LHX8: variants seen among roughly 807,000 people sequenced by gnomAD.
LHX8 encodes LIM homeobox 8.
LHX8 carries 12 observed loss-of-function variants against 40.3 expected under a neutral mutation model. That is an observed-to-expected ratio of 0.30 (90% CI 0.19 to 0.48). The LOEUF is 0.48. LHX8 is among the 20% of genes least tolerant of loss of function. The pLI is 0.99. For missense variants in LHX8, 344 were observed against 433.7 expected (o/e 0.79, Z 1.84); for synonymous variants, 179 against 162.0 (o/e 1.10, Z -0.80).
chr1:75,188,287 T>C, the LHX8 span, among the ~76,000 whole-genome samples: 1 of 152,038 alleles, frequency 6.6e-6, no homozygotes, highest in Non-Finnish European at 1.5e-5. Flanking sequence ...AAAGACAGAG[T>C]GGGAGTCAAA....
chr1:75,135,062 G>A, intron 1 of LHX8, 108 bp downstream of exon 1: 1 of 371,390 alleles, frequency 2.7e-6, no homozygotes, highest in Non-Finnish European at 3.7e-6. Context: ...GGCTCGTTTC[G>A]TTCGGCTGCC....
upstream of LHX8, chr1:75,130,411 G>A: frequency 1.9e-6 from 1 of 531,974 alleles, no homozygotes; most frequent in East Asian, 3.2e-5. Context: ...AGACCGCAGT[G>A]AGGAATGCCG....
At chr1:75,164,505 T>A (rs1000733367), downstream of LHX8, among the ~76,000 whole-genome samples, 4 of 152,292 alleles carry the variant, frequency 2.6e-5, no homozygotes, top group East Asian at 7.7e-4. Context: ...TGTGCATGCA[T>A]AGGTTTAAAA....
chr1:75,150,065 A>C (rs531803921), intron 7 of LHX8, among the ~76,000 whole-genome samples: 2 of 152,206 alleles, frequency 1.3e-5, no homozygotes, highest in East Asian at 3.9e-4. Context: ...AAGATGGTGA[A>C]ACCCCATCTC....
At chr1:75,157,226 T>TC (rs1648795033) in intron 8 of LHX8, 150 bp downstream of exon 8, 2 of 819,630 alleles carry the variant, frequency 2.4e-6, no homozygotes, top group Admixed American at 4.3e-5. Flanking sequence ...AGCAAAATTA[T>TC]CCAAACATTT....
intron 6 of LHX8, 39 bp from the exon 7 acceptor site, chr1:75,148,548 G>T: frequency 7.1e-7 from 1 of 1,401,042 alleles, no homozygotes; most frequent in Non-Finnish European, 1.0e-6. Context: ...TGAGCTGCTT[G>T]TTTTTAGCTA....
Position 75,157,025 on chromosome 1 carries a change from T to C in LHX8, c.913T>C (p.Tyr305His). The C allele has an allele frequency of 6.2e-7, 1 of 1,614,196 alleles. No individual in the cohort carries two copies. Among genetic ancestry groups the C allele is most frequent in the East Asian group, 2.2e-5 (1 of 44,878 alleles). ...PMLEEMAYSA[Y>H]VPQDGTMLTA... ...GTTAGAAGAAATGGCTTATTCTGCC[T>C]ACGTGCCCCAAGATGGAACGATGTT... The change falls in exon 8 of 9, where the codon TAC becomes CAC. Residue 305 changes from tyrosine (Y) to histidine (H), a missense_variant. Physicochemically the swap from Tyr to His is moderately conservative, Grantham distance 83 (BLOSUM62 2). This residue lies in a region of LHX8 where 89 missense variants were observed against 92.8 expected (regional missense o/e 0.96). Coordinates refer to ENST00000356261, the MANE Select transcript of LHX8 (RefSeq NM_001256114.2).
At chr1:75,154,164 TTATA>T (rs1267711694) in intron 7 of LHX8, among the ~76,000 whole-genome samples, 1 of 152,166 alleles carries the variant, frequency 6.6e-6, no homozygotes, top group Non-Finnish European at 1.5e-5. Context: ...TCAAAAGGAC[TTATA>T]CTTGATTCTG....
chr1:75,173,546 C>A, the LHX8 span, among the ~76,000 whole-genome samples: 1 of 151,808 alleles, frequency 6.6e-6, no homozygotes, highest in Non-Finnish European at 1.5e-5. Flanking sequence ...CCACGCCCAG[C>A]TAATTTTTTG....
upstream of LHX8, among the ~76,000 whole-genome samples, chr1:75,133,634 C>T (rs149023806): frequency 7.2e-5 from 11 of 152,218 alleles, no homozygotes; most frequent in African/African-American, 2.6e-4. Context: ...AAAGTTTATA[C>T]CACAAAGAGT....
rs1648142088 is a variant in LHX8, at chr1:75,136,605, T to G, written c.-10T>G. On this transcript the variant is annotated splice_region_variant and 5_prime_UTR_variant, in exon 2 of 9. Coordinates refer to ENST00000356261, the MANE Select transcript of LHX8 (RefSeq NM_001256114.2). ...TTTCTCCCCCTCCTACTCCGCAGTG[T>G]CAGGGGCTCATGTCAGAGGAGTGCG... 11 of 1,549,354 alleles carry G rather than the reference T, an allele frequency of 7.1e-6. No homozygotes were observed. The highest frequency in any genetic ancestry group is 9.6e-6 in the Non-Finnish European group (11 of 1,145,842).
rs746953778 is a variant in LHX8 at position 75,143,166 on chromosome 1, T to G, written c.408T>G (p.Thr136=). ...GATGTGGGAGACACATCCATTCTAC[T>G]GACTGGGTCCGGAGAGCCAAGGGGA... ...CSRCGRHIHS[T]DWVRRAKGNV... is the part of the protein sequence containing the mutation. Residue 136 remains threonine (T), a synonymous_variant, in exon 5 of 9, where the codon ACT becomes ACG. Coordinates refer to ENST00000356261, the MANE Select transcript of LHX8 (RefSeq NM_001256114.2). 4 of 1,613,722 alleles carry G rather than the reference T, an allele frequency of 2.5e-6. No homozygotes were observed. In the African/African-American group the frequency reaches 4.0e-5, roughly 16 times the overall value.
At chr1:75,137,758 T>C (rs1219652579) in intron 3 of LHX8, among the ~76,000 whole-genome samples, 1 of 152,206 alleles carries the variant, frequency 6.6e-6, no homozygotes, top group East Asian at 1.9e-4. Context: ...GTGTCTCTTT[T>C]GGTGAAAGCC....
At chr1:75,156,824 C>T in intron 7 of LHX8, 69 bp from the exon 8 acceptor site, 1 of 1,431,564 alleles carries the variant, frequency 7.0e-7, no homozygotes, top group Non-Finnish European at 9.9e-7. Flanking sequence ...CATTTTTTAA[C>T]TGAGTTGATA....
chr1:75,188,623 C>G, the LHX8 span, among the ~76,000 whole-genome samples: 1 of 152,216 alleles, frequency 6.6e-6, no homozygotes, highest in Non-Finnish European at 1.5e-5. Context: ...GGGCCCAGTG[C>G]TCCCTAGGTA....
intron 1 of LHX8, 80 bp from the exon 2 acceptor site, chr1:75,136,523 C>T: frequency 9.1e-7 from 1 of 1,099,870 alleles, no homozygotes; most frequent in South Asian, 1.3e-5. Flanking sequence ...AGCTCGCTCC[C>T]CGCGCCGAGG....
the LHX8 span, among the ~76,000 whole-genome samples, chr1:75,186,820 C>CTAAA: frequency 6.6e-6 from 1 of 152,162 alleles, no homozygotes; most frequent in Non-Finnish European, 1.5e-5. Context: ...TACCAGACAA[C>CTAAA]TATTTAACAG....
chr1:75,149,161 G>A (rs898816528), intron 7 of LHX8, among the ~76,000 whole-genome samples: 3 of 152,196 alleles, frequency 2.0e-5, no homozygotes, highest in Non-Finnish European at 4.4e-5. Flanking sequence ...TTATGATTGT[G>A]TGTGTGATGG....
intron 3 of LHX8, among the ~76,000 whole-genome samples, chr1:75,137,957 ATCT>A (rs1648201491): frequency 6.6e-6 from 1 of 152,236 alleles, no homozygotes; most frequent in South Asian, 2.1e-4. Context: ...TTGTTACATC[ATCT>A]TGAGTGCTTG....
Sources: gnomAD v4.1 joint callset for allele counts (sites outside exome capture counted in the v4.1 genomes callset) on GRCh38, gnomAD v4.1.1 for gene constraint, gnomAD v4.1.1 regional missense constraint, MANE v1.5 for transcripts, NCBI Gene and HGNC (gene_info 2026-07-23, HGNC 2026-07-21) for gene names.